Variants in PAF1 observed in about 807,000 individuals in gnomAD.
PAF1 encodes the protein PAF1 component of Paf1/RNA polymerase II complex, also known as RNA polymerase II-associated factor 1 homolog.
In PAF1, 31 loss-of-function variants were observed where a neutral mutation model predicts 68.4. The ratio of observed to expected loss-of-function variants is 0.45; its 90% CI spans 0.34 to 0.61. The LOEUF is 0.61. Among genes scored for constraint, PAF1 ranks in the 20% least tolerant of loss-of-function variants. PAF1 has a pLI of 0.01. For synonymous variants in PAF1, 256 were observed against 240.5 expected, an observed-to-expected ratio of 1.06 and a Z score of -0.60; for missense variants, 435 against 692.9, an observed-to-expected ratio of 0.63 and a Z score of 4.18.
chr19:39,387,610 A>G (rs917720148), intron 11 of PAF1, among the ~76,000 whole-genome samples: 1 of 152,184 alleles, frequency 6.6e-6, no homozygotes, highest in Non-Finnish European at 1.5e-5. Flanking sequence ...CAGAAACTCA[A>G]GACTTCCCAA....
intron 11 of PAF1, among the ~76,000 whole-genome samples, chr19:39,387,678 G>A (rs2078282802): frequency 6.6e-6 from 1 of 152,182 alleles, no homozygotes; most frequent in South Asian, 2.1e-4. Context: ...GAAGAGTTTT[G>A]GAGTCACATT....
Position 39,389,402 on chromosome 19 carries a change from T to G in PAF1, c.360-19A>C. On this transcript the variant is annotated intron_variant, in intron 5 of 13. Transcript: ENST00000221265. This position sits in a 1 kb window ranked among gnomAD's most constrained non-coding sequence, Gnocchi z 5.3. ...CTGGGATCTGGGGTGGGAAATCAGGTATCTCAGGACCCCACTGCCCTCCTG... is the reference window on the plus strand; with the variant it reads ...CTGGGATCTGGGGTGGGAAATCAGGGATCTCAGGACCCCACTGCCCTCCTG... 1 of 1,613,240 alleles carries G rather than the reference T, an allele frequency of 6.2e-7. No individual in the cohort carries two copies. Among genetic ancestry groups the G allele is most frequent in the Non-Finnish European group, 8.5e-7 (1 of 1,179,232 alleles).
chr19:39,388,661 C>T lies in PAF1; in HGVS notation c.756G>A (p.Glu252=). The part of the protein sequence containing the change: ...SQAMIRGMMD[E]EGNQFVAYFL... ...AATAGGCCACAAACTGGTTCCCTTC[C>T]TCATCCATCATGCCCCTGGTTGGGG... is the stretch of plus-strand genomic sequence containing the variant. Residue 252 remains glutamate (E), a synonymous_variant, in exon 10 of 14, where the codon GAG becomes GAA. Transcript: ENST00000221265. 6.2e-7 allele frequency: 1 copy of T among 1,614,158 alleles called. No individual in the cohort carries two copies. The highest frequency in any genetic ancestry group is 8.5e-7 in the Non-Finnish European group (1 of 1,180,000).
rs1476428534 is a variant in PAF1 at position 39,390,812 on chromosome 19, G to T, written c.47+6C>A. 5 of 1,579,764 alleles carry T rather than the reference G, an allele frequency of 3.2e-6. No homozygotes were observed. In the South Asian group the frequency reaches 4.6e-5, roughly 15 times the overall value. ...CCTTGCTGCAACAGAAAAGCGTGGC[G>T]CCTACCTGTGGCCATCCTCCCGCTG... On this transcript the variant is annotated splice_donor_region_variant and intron_variant, in intron 1 of 13. Coordinates refer to ENST00000221265, the MANE Select transcript of PAF1 (RefSeq NM_019088.4).
chr19:39,387,271 A>T (rs1171713773), intron 11 of PAF1: 1 of 361,032 alleles, frequency 2.8e-6, no homozygotes, highest in African/African-American at 2.1e-5. Context: ...GTGTATCTAA[A>T]CATAGAAAAG....
At chr19:39,387,008 T>C (rs1474558697) in intron 11 of PAF1, among the ~76,000 whole-genome samples, 1 of 152,198 alleles carries the variant, frequency 6.6e-6, no homozygotes, top group Non-Finnish European at 1.5e-5. Flanking sequence ...GGCACCAGTT[T>C]GGTTGCCCTA....
Position 39,389,741 on chromosome 19 carries a change from G to A in PAF1, c.191C>T (p.Thr64Ile). Residue 64 changes from threonine to isoleucine, a missense_variant, in exon 4 of 14, where the codon ACT becomes ATT. By Grantham distance (89) the Thr-to-Ile change is moderately conservative. Transcript: ENST00000221265. This position sits in a 1 kb window ranked among gnomAD's most constrained non-coding sequence, Gnocchi z 5.3. Reference sequence around the variant, plus strand: ...ATGTTTGTGCTGTTTCTCCAAGGAAGTGGCTTTGTACTGGACGAACCTGGG... The same window carrying A: ...ATGTTTGTGCTGTTTCTCCAAGGAAATGGCTTTGTACTGGACGAACCTGGG... ...DQNRFVQYKA[T>I]SLEKQHKHDL... 1.2e-6 allele frequency: 2 copies of A among 1,614,178 alleles called. No individual in the cohort carries two copies. Among genetic ancestry groups the A allele is most frequent in the Non-Finnish European group, 1.7e-6 (2 of 1,180,016 alleles).
Position 39,388,614 on chromosome 19 carries a change from A to G in PAF1, c.803T>C (p.Leu268Ser). 1 of 1,613,998 alleles carries G rather than the reference A, an allele frequency of 6.2e-7. No homozygotes were observed. The highest frequency in any genetic ancestry group is 8.5e-7 in the Non-Finnish European group (1 of 1,179,994). Residue 268 changes from leucine (L) to serine (S), a missense_variant, in exon 10 of 14, where the codon TTG (leucine) becomes TCG (serine). This residue lies in a region of PAF1 where 151 missense variants were observed against 306.3 expected (regional missense o/e 0.49). Coordinates refer to ENST00000221265, the MANE Select transcript of PAF1 (RefSeq NM_019088.4). The stretch of plus-strand genomic sequence containing the variant: ...CTCCTGGTCCCGCTTTCGTTTCTTC[A>G]ACGTCTCTTCTACAGGCAGGAAATA... ...VAYFLPVEETLKKRKRDQEEE... is the reference protein window; with the variant it reads ...VAYFLPVEETSKKRKRDQEEE...
In PAF1 at chr19:39,390,326, G is replaced by A. The variant is rs746242540; in HGVS notation, c.48-37C>T. On this transcript the variant is annotated intron_variant, in intron 1 of 13. Coordinates refer to ENST00000221265, the MANE Select transcript of PAF1 (RefSeq NM_019088.4). Reference sequence around the variant, plus strand: ...GAAAGAAACAGTGATAGGTGGAGAGGACGGGATTGACAGGAGAATGAAAAA... The same window carrying A: ...GAAAGAAACAGTGATAGGTGGAGAGAACGGGATTGACAGGAGAATGAAAAA... 1.6e-5 allele frequency: 26 copies of A among 1,584,548 alleles called. No homozygotes were observed. In the East Asian group the frequency reaches 4.1e-4, roughly 25 times the overall value.
At position 39,390,868 on chromosome 19, in the gene PAF1, G is replaced by C. The variant is rs1409697533; in HGVS notation, c.-4C>G. On this transcript the variant is annotated 5_prime_UTR_variant, in exon 1 of 14. Transcript: ENST00000221265. ...GGGTCTGGATGGTGGGCGCCATAGCGACGAGGCGACGGCAGCCCGGACGGG... is the reference window on the plus strand; with the variant it reads ...GGGTCTGGATGGTGGGCGCCATAGCCACGAGGCGACGGCAGCCCGGACGGG... 10 of 1,579,146 alleles carry C rather than the reference G, an allele frequency of 6.3e-6. No homozygotes were observed. The highest frequency in any genetic ancestry group is 1.3e-5 in the African/African-American group (1 of 74,252).
rs745444979 is a variant in PAF1 at position 39,386,405 on chromosome 19, TGGAA to T, written c.1184-6_1184-3del. The stretch of plus-strand genomic sequence containing the variant: ...TGCTGCCCTTCTCCTGCTCCTCATC[TGGAA>T]GGGAGTGGAGAGAGATGAAACCCAC... On this transcript the variant is annotated splice_polypyrimidine_tract_variant and splice_region_variant and intron_variant, in intron 13 of 13. Coordinates refer to ENST00000221265, the MANE Select transcript of PAF1 (RefSeq NM_019088.4). The surrounding 1 kb of genome is among the most constrained non-coding windows in gnomAD (Gnocchi z 6.1). The T allele has an allele frequency of 4.3e-6, 7 of 1,614,130 alleles. No homozygotes were observed. The highest frequency in any genetic ancestry group is 2.2e-5 in the East Asian group (1 of 44,888).
intron 1 of PAF1, 87 bp from the exon 2 acceptor site, chr19:39,390,376 A>G: frequency 8.4e-7 from 1 of 1,189,120 alleles, no homozygotes; most frequent in Non-Finnish European, 1.2e-6. Context: ...TTCAAAAGGT[A>G]GGAGGGGTGA....
chr19:39,388,365 C>T lies in PAF1; in HGVS notation c.960G>A (p.Gly320=). ...NYFFIFREGD[G]VYYNELETRV... is the part of the protein sequence containing the mutation. The stretch of plus-strand genomic sequence containing the variant: ...TGGTTTCCAACTCATTGTAGTAAAC[C>T]CCGTCACCCTCTCGGAAGATGAAGA... The change falls in exon 11 of 14, where the codon GGG becomes GGA. Residue 320 remains glycine, a synonymous_variant. Coordinates refer to ENST00000221265, the MANE Select transcript of PAF1 (RefSeq NM_019088.4). The T allele has an allele frequency of 6.2e-7, 1 of 1,614,024 alleles. No homozygotes were observed. The highest frequency in any genetic ancestry group is 8.5e-7 in the Non-Finnish European group (1 of 1,179,972).
intron 2 of PAF1, 40 bp downstream of exon 2, chr19:39,390,220 C>T: frequency 6.2e-7 from 1 of 1,613,610 alleles, no homozygotes; most frequent in Non-Finnish European, 8.5e-7. Context: ...CTCCCAGCCC[C>T]ACTGCCCCAC....
In PAF1 at chr19:39,389,427, G is replaced by A. The variant is rs1229987191; in HGVS notation, c.360-44C>T. 1 of 1,606,710 alleles carries A rather than the reference G, an allele frequency of 6.2e-7. No homozygotes were observed. The highest frequency in any genetic ancestry group is 1.1e-5 in the South Asian group (1 of 90,952). On this transcript the variant is annotated intron_variant, in intron 5 of 13. Transcript: ENST00000221265. This position sits in a 1 kb window ranked among gnomAD's most constrained non-coding sequence, Gnocchi z 5.3. ...TATCTCAGGACCCCACTGCCCTCCT[G>A]CTTGTAGGGCCCACCTGAGCCAGTC... is the stretch of plus-strand genomic sequence containing the variant.
In PAF1 at chr19:39,389,962, A is replaced by C. The variant is rs2078337919; in HGVS notation, c.170+107T>G. On this transcript the variant is annotated intron_variant, in intron 3 of 13. Transcript: ENST00000221265. This position sits in a 1 kb window ranked among gnomAD's most constrained non-coding sequence, Gnocchi z 5.3. ...AATTGAGCAGCTACTACTATGTGCT[A>C]GGGTAGGTACTGTGCTAGGCCCTGA... 1 of 1,064,936 alleles carries C rather than the reference A, an allele frequency of 9.4e-7. No individual in the cohort carries two copies. Among genetic ancestry groups the C allele is most frequent in the Non-Finnish European group, 1.4e-6 (1 of 693,642 alleles). 66.0% of individuals were successfully genotyped at this position (1,064,936 alleles called of 1,614,324 possible). A position where few individuals can be genotyped will look rare whatever the true frequency, so the allele number is the denominator to read the frequency against.
Position 39,390,256 on chromosome 19 carries a change from T to C in PAF1, c.77+4A>G. 6.2e-7 allele frequency: 1 copy of C among 1,613,692 alleles called. No individual in the cohort carries two copies. Among genetic ancestry groups the C allele is most frequent in the Non-Finnish European group, 8.5e-7 (1 of 1,179,798 alleles). ...CGCTCCTGGGAAAGCACAGTGGGGC[T>C]CACCTCTCAGGCAGAGTCCGGTGGG... is the stretch of plus-strand genomic sequence containing the variant. On this transcript the variant is annotated splice_donor_region_variant and intron_variant, in intron 2 of 13. Coordinates refer to ENST00000221265, the MANE Select transcript of PAF1 (RefSeq NM_019088.4).
At position 39,388,693 on chromosome 19, in the gene PAF1, G is replaced by A; in HGVS notation, c.741-17C>T. Reference sequence around the variant, plus strand: ...ATCATGCCCCTGGTTGGGGGAAAAGGAGTAGCAATGAAGTGTGAGGACAAG... The same window carrying A: ...ATCATGCCCCTGGTTGGGGGAAAAGAAGTAGCAATGAAGTGTGAGGACAAG... On this transcript the variant is annotated splice_polypyrimidine_tract_variant and intron_variant, in intron 9 of 13. Transcript: ENST00000221265. The A allele has an allele frequency of 6.2e-7, 1 of 1,612,450 alleles. No individual in the cohort carries two copies. Among genetic ancestry groups the A allele is most frequent in the Non-Finnish European group, 8.5e-7 (1 of 1,178,450 alleles).
In PAF1 at chr19:39,389,124, A is replaced by G. The variant is rs145046188; in HGVS notation, c.536T>C (p.Ile179Thr). The G allele has an allele frequency of 3.1e-6, 5 of 1,613,986 alleles. No individual in the cohort carries two copies. Among genetic ancestry groups the G allele is most frequent in the Admixed American group, 1.7e-5 (1 of 59,992 alleles). The change falls in exon 7 of 14, where the codon ATT (isoleucine) becomes ACT (threonine). Residue 179 changes from isoleucine (I) to threonine (T), a missense_variant. Around this residue, in one of 7 missense-constraint regions of PAF1, gnomAD observed 151 missense variants for 306.3 expected, o/e 0.49. Coordinates refer to ENST00000221265, the MANE Select transcript of PAF1 (RefSeq NM_019088.4). This position sits in a 1 kb window ranked among gnomAD's most constrained non-coding sequence, Gnocchi z 5.3. ...YKDRDSQITA[I>T]EKTFEDAQKS... Reference sequence around the variant, plus strand: ...CTGGGCATCCTCAAAAGTCTTCTCAATGGCTGTGATCTGGCTATCCCTGTC... The same window carrying G: ...CTGGGCATCCTCAAAAGTCTTCTCAGTGGCTGTGATCTGGCTATCCCTGTC...
Sources: gnomAD v4.1 joint callset for allele counts (sites outside exome capture counted in the v4.1 genomes callset) on GRCh38, gnomAD v4.1.1 for gene constraint, gnomAD v4.1.1 regional missense constraint, Gnocchi (gnomAD v3.1) non-coding constraint, MANE v1.5 for transcripts, NCBI Gene and HGNC (gene_info 2026-07-23, HGNC 2026-07-21) for gene names.